GRIK2: variants seen among roughly 807,000 people sequenced by gnomAD.
The protein encoded by GRIK2 is glutamate ionotropic receptor kainate type subunit 2, also known as glutamate receptor ionotropic, kainate 2.
Under a neutral mutation model 100.3 loss-of-function variants are expected in GRIK2, and 32 were observed. The ratio of observed to expected loss-of-function variants is 0.32; its 90% confidence interval spans 0.24 to 0.43. The LOEUF (loss-of-function observed/expected upper bound fraction) is 0.43. Among genes scored for constraint, GRIK2 ranks in the 20% least tolerant of loss-of-function variants. GRIK2 has a pLI of 1.00. For missense variants in GRIK2, 843 were observed against 1,114.9 expected, an observed-to-expected ratio of 0.76 and a Z score of 3.47; for synonymous variants, 417 against 389.4, an observed-to-expected ratio of 1.07 and a Z score of -0.83.
chr6:101,761,853 CTTCCT>C (rs1302683217), intron 7 of GRIK2, among the ~76,000 whole-genome samples: 3 of 127,062 alleles, frequency 2.4e-5, no homozygotes, highest in Non-Finnish European at 4.7e-5. Context: ...CCTTCCTTCC[CTTCCT>C]TTCCTTTCCC....
chr6:101,737,086 C>G (rs969614543), intron 7 of GRIK2, among the ~76,000 whole-genome samples: 1 of 152,156 alleles, frequency 6.6e-6, no homozygotes, highest in Non-Finnish European at 1.5e-5. Context: ...CCACCCGAGA[C>G]CACCTCAGCC....
chr6:101,836,560 A>T (rs1000481886), intron 10 of GRIK2, among the ~76,000 whole-genome samples: 4 of 148,354 alleles, frequency 2.7e-5, no homozygotes, highest in Admixed American at 6.8e-5. Context: ...AAATATGGTT[A>T]TTAGCAGAAG....
chr6:101,878,754 C>G (rs543864351), intron 11 of GRIK2, among the ~76,000 whole-genome samples: 1 of 151,992 alleles, frequency 6.6e-6, no homozygotes, highest in East Asian at 1.9e-4. Flanking sequence ...TCATTATTTG[C>G]TATCTTGTTT....
At chr6:101,546,091 A>G (rs937574704) in intron 2 of GRIK2, among the ~76,000 whole-genome samples, 2 of 151,950 alleles carry the variant, frequency 1.3e-5, no homozygotes, top group African/African-American at 2.4e-5. Flanking sequence ...ATGGTTATTC[A>G]CTTTTAGATT....
chr6:101,767,849 A>ATTTTAT (rs150066634), intron 7 of GRIK2, among the ~76,000 whole-genome samples: 2 of 151,760 alleles, frequency 1.3e-5, no homozygotes, highest in African/African-American at 2.4e-5. Context: ...CTAGATAATT[A>ATTTTAT]TTTTATTTTT....
intron 2 of GRIK2, among the ~76,000 whole-genome samples, chr6:101,464,687 TG>T (rs1465664111): frequency 6.6e-6 from 1 of 151,220 alleles, no homozygotes; most frequent in African/African-American, 2.4e-5. Flanking sequence ...TGGCTAATTT[TG>T]TTTTTGTATT....
At position 102,050,058 on chromosome 6, in the gene GRIK2, A is replaced by G. The variant is rs1771089548; in HGVS notation, c.2312-5272A>G. Among the ~76,000 whole-genome samples the G allele has an allele frequency of 1.3e-5, 2 of 152,176 alleles. 1 individual carries two copies. The highest frequency in any genetic ancestry group is 4.1e-4 in the South Asian group (2 of 4,834). On this transcript the variant is annotated intron_variant, in intron 15 of 16. Transcript: ENST00000369134. Reference sequence around the variant, plus strand: ...GCATTTACTTTATTAGTCCTATATTATCTAGACGTAATGAAATAAGATAAA... The same window carrying G: ...GCATTTACTTTATTAGTCCTATATTGTCTAGACGTAATGAAATAAGATAAA...
chr6:101,903,044 C>T (rs1475925), intron 12 of GRIK2, among the ~76,000 whole-genome samples: 143,063 of 151,870 alleles, frequency 0.94, 67,411 homozygotes, highest in Middle Eastern at 0.97. Flanking sequence ...TTACAAGATA[C>T]CCATTGAAAG....
chr6:101,545,717 CAACTT>C (rs1299816818), intron 2 of GRIK2, among the ~76,000 whole-genome samples: 2 of 152,030 alleles, frequency 1.3e-5, no homozygotes, highest in South Asian at 4.1e-4. Context: ...AATTTTGACT[CAACTT>C]GAAAGACTAG....
chr6:101,869,989 C>T lies in GRIK2; in HGVS notation c.1524+10496C>T, dbSNP rs928870989. On this transcript the variant is annotated intron_variant, in intron 11 of 16. Transcript: ENST00000369134. ...TAAGCAGGCCCAATTTGGGCTAGTC[C>T]AGTAGGTACAGGACTTATTCAACTA... 2.6e-5 allele frequency among the ~76,000 whole-genome samples: 4 copies of T among 152,016 alleles called. No homozygotes were observed. In the South Asian group the frequency reaches 8.3e-4, roughly 32 times the overall value.
At chr6:101,823,464 T>G (rs570830539) in intron 10 of GRIK2, among the ~76,000 whole-genome samples, 2 of 152,296 alleles carry the variant, frequency 1.3e-5, no homozygotes, top group African/African-American at 4.8e-5. Flanking sequence ...CTAATTTTAT[T>G]GTTTGTGATT....
At chr6:101,781,921 C>T (rs1421124454) in intron 7 of GRIK2, among the ~76,000 whole-genome samples, 1 of 151,856 alleles carries the variant, frequency 6.6e-6, no homozygotes, top group Non-Finnish European at 1.5e-5. Context: ...AGTATGGGTT[C>T]TGATGAAAGC....
intron 7 of GRIK2, among the ~76,000 whole-genome samples, chr6:101,733,679 T>C (rs1775432034): frequency 6.6e-6 from 1 of 151,566 alleles, no homozygotes; most frequent in African/African-American, 2.4e-5. Context: ...TCTTTTTTGC[T>C]TGACAAATTC....
intron 14 of GRIK2, chr6:101,993,168 C>A (rs901633736): frequency 6.6e-6 from 1 of 150,510 alleles, no homozygotes. Context: ...TCTTCTTCTG[C>A]TTTCTAGCAG....
At chr6:101,643,944 T>C (rs1285310803) in intron 4 of GRIK2, among the ~76,000 whole-genome samples, 1 of 151,840 alleles carries the variant, frequency 6.6e-6, no homozygotes, top group Non-Finnish European at 1.5e-5. Flanking sequence ...ATTCTTTCTA[T>C]AGCAGTACAT....
Position 101,902,162 on chromosome 6 carries a change from A to G in GRIK2, c.1748+12299A>G, listed in dbSNP as rs1358767082. ...AATATTCCCACAATAACAAATATCA[A>G]ACTACCAATGGGAGGGTCACCGAAT... is the stretch of plus-strand genomic sequence containing the variant. On this transcript the variant is annotated intron_variant, in intron 12 of 16. Coordinates refer to ENST00000369134, the MANE Select transcript of GRIK2 (RefSeq NM_021956.5). Among the ~76,000 whole-genome samples the G allele has an allele frequency of 8.5e-5, 13 of 152,158 alleles. No homozygotes were observed. The East Asian group carries it at 2.1e-3, about 25-fold the overall frequency.
intron 7 of GRIK2, among the ~76,000 whole-genome samples, chr6:101,791,802 T>A (rs1295701853): frequency 1.3e-5 from 2 of 151,782 alleles, no homozygotes; most frequent in East Asian, 1.9e-4. Context: ...ATGTTGACAG[T>A]GTGGTGTTAA....
At chr6:101,467,926 G>T (rs1239941734) in intron 2 of GRIK2, among the ~76,000 whole-genome samples, 1 of 144,374 alleles carries the variant, frequency 6.9e-6, no homozygotes, top group Non-Finnish European at 1.5e-5. Flanking sequence ...GCATGCCCAC[G>T]ATATATTTTT....
At chr6:101,639,896 C>G (rs886132582) in intron 4 of GRIK2, among the ~76,000 whole-genome samples, 2 of 152,040 alleles carry the variant, frequency 1.3e-5, no homozygotes, top group Admixed American at 1.3e-4. Flanking sequence ...AATTTTTTTG[C>G]ATGAATGCAT....
Sources: gnomAD v4.1 joint callset for allele counts (sites outside exome capture counted in the v4.1 genomes callset) on GRCh38, gnomAD v4.1.1 for gene constraint, MANE v1.5 for transcripts, NCBI Gene and HGNC (gene_info 2026-07-23, HGNC 2026-07-21) for gene names.